Variants in CCDC77 observed in about 807,000 individuals in gnomAD.
CCDC77 encodes coiled-coil domain-containing protein 77.
A neutral mutation model predicts 66.8 loss-of-function variants in CCDC77; 56 were observed. The ratio of observed to expected loss-of-function variants is 0.84; its 90% confidence interval spans 0.68 to 1.05. CCDC77 has a LOEUF of 1.05. CCDC77 is among the 50% of genes least tolerant of loss of function. CCDC77 has a pLI of 0.00. For missense variants in CCDC77, 570 were observed against 576.8 expected (o/e 0.99, Z 0.12); for synonymous variants, 196 against 195.2 (o/e 1.00, Z -0.03).
chr12:400,739 A>G (rs1944884158), upstream of CCDC77, among the ~76,000 whole-genome samples: 1 of 152,222 alleles, frequency 6.6e-6, no homozygotes, highest in African/African-American at 2.4e-5. Context: ...TCAGCATAAC[A>G]TATACAATAA....
intron 5 of CCDC77, among the ~76,000 whole-genome samples, chr12:426,911 G>T (rs1188765855): frequency 1.3e-5 from 2 of 152,064 alleles, no homozygotes; most frequent in Non-Finnish European, 1.5e-5. Flanking sequence ...CTGTGGTGTC[G>T]CAGGGTCTTA....
At chr12:423,648 C>T (rs1040012585) in intron 5 of CCDC77, among the ~76,000 whole-genome samples, 3 of 151,196 alleles carry the variant, frequency 2.0e-5, no homozygotes, top group East Asian at 2.0e-4. Context: ...GGGTGCGCAC[C>T]ACTGTGCTTG....
intron 1 of CCDC77, among the ~76,000 whole-genome samples, chr12:396,549 A>G (rs1262439020): frequency 1.3e-5 from 2 of 152,222 alleles, no homozygotes; most frequent in Admixed American, 6.5e-5. Flanking sequence ...TTGAGCATCT[A>G]TGCCTTTTGG....
chr12:394,301 G>A (rs780500351), intron 1 of CCDC77, among the ~76,000 whole-genome samples: 5 of 152,062 alleles, frequency 3.3e-5, no homozygotes, highest in Non-Finnish European at 5.9e-5. Flanking sequence ...TTACTTCATC[G>A]CACAGACAAA....
At position 440,872 on chromosome 12, in the gene CCDC77, T is replaced by C; in HGVS notation, c.1196T>C (p.Leu399Ser). Residue 399 changes from leucine (L) to serine (S), a missense_variant, in exon 12 of 13, where the codon TTA becomes TCA. Coordinates refer to ENST00000239830, the MANE Select transcript of CCDC77 (RefSeq NM_032358.4). The stretch of plus-strand genomic sequence containing the variant: ...CGCACTAACAAGATGGGGAAGCGTT[T>C]ACAGATAATGACAAAACGCTATGAG... ...KDRTNKMGKRLQIMTKRYEAL... is the reference protein window; with the variant it reads ...KDRTNKMGKRSQIMTKRYEAL... 6.2e-7 allele frequency: 1 copy of C among 1,613,746 alleles called. No homozygotes were observed. The highest frequency in any genetic ancestry group is 8.5e-7 in the Non-Finnish European group (1 of 1,180,014).
chr12:415,359 T>TTATGTTAATATAATCAACATAA (rs1392372343), intron 4 of CCDC77, among the ~76,000 whole-genome samples: 2 of 112,370 alleles, frequency 1.8e-5, no homozygotes, highest in Non-Finnish European at 3.9e-5. Flanking sequence ...CAACATAATA[T>TTATGTTAATATAATCAACATAA]TATGTTAATA....
exon 1 of CCDC77, chr12:389,390 CCTT>C (rs760312202): frequency 5.6e-5 from 31 of 557,418 alleles, no homozygotes; most frequent in Non-Finnish European, 7.5e-5. Context: ...TCTGGCCTTT[CCTT>C]CTTCTTCTCT....
intron 3 of CCDC77, among the ~76,000 whole-genome samples, chr12:411,355 A>AT (rs1416438619): frequency 6.7e-6 from 1 of 149,300 alleles, no homozygotes; most frequent in Non-Finnish European, 1.5e-5. Context: ...TTATTTTTGT[A>AT]TTTTGGTAGA....
intron 12 of CCDC77, 117 bp from the exon 13 acceptor site, chr12:441,657 C>T: frequency 1.9e-6 from 2 of 1,051,324 alleles, no homozygotes; most frequent in South Asian, 1.7e-5. Flanking sequence ...GGAATTTATC[C>T]TATGTACTCA....
At chr12:390,775 G>A (rs148610141) in intron 1 of CCDC77, among the ~76,000 whole-genome samples, 1 of 146,188 alleles carries the variant, frequency 6.8e-6, no homozygotes, top group African/African-American at 2.7e-5. Context: ...TATTGGTTCT[G>A]TTTCTCTGGA....
At chr12:416,343 GGGTGTGTGTGTGT>G (rs1945263375) in intron 4 of CCDC77, among the ~76,000 whole-genome samples, 2 of 35,576 alleles carry the variant, frequency 5.6e-5, no homozygotes, top group African/African-American at 2.9e-4. Context: ...GGGTGTGTGG[GGGTGTGTGTGTGT>G]GTGTGTGTGT....
chr12:423,269 A>G (rs1241529313), intron 5 of CCDC77, among the ~76,000 whole-genome samples: 13 of 145,090 alleles, frequency 9.0e-5, no homozygotes, highest in African/African-American at 3.3e-4. Flanking sequence ...GACTACATGC[A>G]TGTGCTGCCA....
intron 9 of CCDC77, 104 bp from the exon 10 acceptor site, chr12:438,231 C>G: frequency 1.3e-6 from 1 of 779,952 alleles, no homozygotes; most frequent in Non-Finnish European, 2.1e-6. Context: ...ATTTATATAT[C>G]ACACCATTTT....
chr12:393,676 C>G (rs1439622470), intron 1 of CCDC77, among the ~76,000 whole-genome samples: 1 of 152,092 alleles, frequency 6.6e-6, no homozygotes, highest in Non-Finnish European at 1.5e-5. Flanking sequence ...CGATTACAGG[C>G]ACCCACCACC....
chr12:432,489 GA>G (rs1945672603), intron 8 of CCDC77, among the ~76,000 whole-genome samples: 1 of 152,158 alleles, frequency 6.6e-6, no homozygotes, highest in Admixed American at 6.5e-5. Context: ...GTGGAGTCAT[GA>G]CAACCAGACA....
In CCDC77 at chr12:418,645, T is replaced by C. The variant is rs1945332831; in HGVS notation, c.413+9T>C. On this transcript the variant is annotated intron_variant, in intron 5 of 12. Transcript: ENST00000239830. ...GACCGACTGAGAATCAGGTACCAAA[T>C]AGGAGAAGGGAAATGTTGGAGTTTA... is the stretch of plus-strand genomic sequence containing the variant. 1.2e-6 allele frequency: 2 copies of C among 1,609,230 alleles called. No homozygotes were observed. Among genetic ancestry groups the C allele is most frequent in the African/African-American group, 1.3e-5 (1 of 74,716 alleles).
intron 8 of CCDC77, among the ~76,000 whole-genome samples, chr12:432,732 C>T (rs1565576162): frequency 6.6e-6 from 1 of 152,140 alleles, no homozygotes; most frequent in Non-Finnish European, 1.5e-5. Context: ...TAGCCTAACC[C>T]CATTTATAAG....
intron 3 of CCDC77, among the ~76,000 whole-genome samples, chr12:410,713 T>G (rs1945090980): frequency 6.6e-6 from 1 of 151,606 alleles, no homozygotes; most frequent in South Asian, 2.1e-4. Context: ...GCCCGGCTAA[T>G]TTTTGTATTT....
chr12:438,427 T>C lies in CCDC77; in HGVS notation c.914T>C (p.Leu305Pro). Reference protein sequence around the residue: ...ENQNKEKSWMLEKDNLMSKIK... With the variant: ...ENQNKEKSWMPEKDNLMSKIK... ...CAAAATAAAGAGAAGTCATGGATGC[T>C]TGAAAAAGATAATTTGATGTCAAAG... Residue 305 changes from leucine to proline, a missense_variant, in exon 10 of 13, where the codon CTT becomes CCT. Coordinates refer to ENST00000239830, the MANE Select transcript of CCDC77 (RefSeq NM_032358.4). The C allele has an allele frequency of 6.2e-7, 1 of 1,613,972 alleles. No homozygotes were observed. Among genetic ancestry groups the C allele is most frequent in the Non-Finnish European group, 8.5e-7 (1 of 1,179,854 alleles).
Sources: gnomAD v4.1 joint callset for allele counts (sites outside exome capture counted in the v4.1 genomes callset) on GRCh38, gnomAD v4.1.1 for gene constraint, MANE v1.5 for transcripts, NCBI Gene and HGNC (gene_info 2026-07-23, HGNC 2026-07-21) for gene names.